The following ERC2 variants were observed in gnomAD, a reference collection of about 807,000 sequenced individuals.
ERC2 encodes the protein ELKS/RAB6-interacting/CAST family member 2.
ERC2 carries 42 observed loss-of-function variants against 114.8 expected under a neutral mutation model. That is an observed-to-expected ratio of 0.37 (90% CI 0.29 to 0.47). The LOEUF is 0.47. Ranked by LOEUF, ERC2 falls within the 20% of genes least tolerant of loss-of-function variation. ERC2 has a pLI of 0.99. For missense variants in ERC2, 939 were observed against 1,150.7 expected, an observed-to-expected ratio of 0.82 and a Z score of 2.66; for synonymous variants, 454 against 425.5, an observed-to-expected ratio of 1.07 and a Z score of -0.82.
rs535425789 is a variant in ERC2, at chr3:55,887,050, T to C, written c.2564+1339A>G. Among the ~76,000 whole-genome samples, 7 of 152,316 alleles carry C rather than the reference T, an allele frequency of 4.6e-5. No homozygotes were observed. In the South Asian group the frequency reaches 1.2e-3, roughly 27 times the overall value. On this transcript the variant is annotated intron_variant, in intron 14 of 17. Transcript: ENST00000288221. ...CAGTGACTCAAACAGACAAAAGTTC[T>C]AGTCTTAATGAGTTCACATAAACTC... is the stretch of plus-strand genomic sequence containing the variant.
chr3:56,445,528 T>G (rs1235332721), intron 1 of ERC2, among the ~76,000 whole-genome samples: 1 of 152,220 alleles, frequency 6.6e-6, no homozygotes, highest in Non-Finnish European at 1.5e-5. Context: ...CTAAACTGTT[T>G]TAAGATACAA....
intron 3 of ERC2, among the ~76,000 whole-genome samples, chr3:56,211,376 C>T (rs1452137769): frequency 6.6e-6 from 1 of 152,094 alleles, no homozygotes; most frequent in Non-Finnish European, 1.5e-5. Context: ...AAATAAAATA[C>T]TTAGGAATAT....
chr3:55,587,087 C>T (rs1329900552), intron 17 of ERC2, among the ~76,000 whole-genome samples: 2 of 152,212 alleles, frequency 1.3e-5, no homozygotes, highest in African/African-American at 4.8e-5. Context: ...AAATTTTAAA[C>T]AAATGTTATC....
chr3:55,875,751 CAT>C (rs775971776), intron 14 of ERC2, among the ~76,000 whole-genome samples: 7 of 151,882 alleles, frequency 4.6e-5, no homozygotes, highest in Non-Finnish European at 8.8e-5. Context: ...CCTCTTCCCA[CAT>C]GTTTGGTCTA....
chr3:55,819,674 C>T (rs2060041178), intron 14 of ERC2, among the ~76,000 whole-genome samples: 1 of 152,166 alleles, frequency 6.6e-6, no homozygotes, highest in African/African-American at 2.4e-5. Flanking sequence ...TTTTTGTTCT[C>T]CCACTTGTGG....
intron 3 of ERC2, among the ~76,000 whole-genome samples, chr3:56,240,042 C>G (rs1443707557): frequency 1.3e-5 from 2 of 152,184 alleles, no homozygotes; most frequent in African/African-American, 4.8e-5. Flanking sequence ...TAGGCCAGTC[C>G]TGCATAAAGA....
chr3:56,408,029 T>C (rs2060794953), intron 2 of ERC2, among the ~76,000 whole-genome samples: 1 of 152,228 alleles, frequency 6.6e-6, no homozygotes, highest in Non-Finnish European at 1.5e-5. Context: ...TTATAGCACC[T>C]TGAACATCCT....
intron 17 of ERC2, among the ~76,000 whole-genome samples, chr3:55,524,485 T>C (rs2053175910): frequency 6.8e-6 from 1 of 147,200 alleles, no homozygotes; most frequent in South Asian, 2.2e-4. Flanking sequence ...CACCCTGTTT[T>C]ACAAAGCTCC....
At chr3:55,933,166 G>A (rs1250809596) in intron 13 of ERC2, among the ~76,000 whole-genome samples, 4 of 149,874 alleles carry the variant, frequency 2.7e-5, no homozygotes, top group African/African-American at 7.4e-5. Flanking sequence ...TAGAGATCGC[G>A]CCACTGCACT....
chr3:55,549,950 G>C (rs1795635), intron 17 of ERC2, among the ~76,000 whole-genome samples: 39,686 of 141,944 alleles, frequency 0.28, 6,294 homozygotes, highest in Middle Eastern at 0.39. Flanking sequence ...GAGAGAGAGA[G>C]AGAGAGAGAC....
intron 3 of ERC2, among the ~76,000 whole-genome samples, chr3:56,209,032 C>A (rs1160887634): frequency 1.3e-5 from 2 of 152,104 alleles, no homozygotes; most frequent in Non-Finnish European, 2.9e-5. Context: ...TCTGATCACT[C>A]CCCTCCTCTG....
chr3:55,600,157 C>G (rs1009575991), intron 17 of ERC2, among the ~76,000 whole-genome samples: 25 of 152,038 alleles, frequency 1.6e-4, no homozygotes, highest in African/African-American at 5.8e-4. Context: ...CTGTAAGGGA[C>G]AACATGATAG....
chr3:56,213,759 A>AC (rs1214012851), intron 3 of ERC2, among the ~76,000 whole-genome samples: 1 of 151,814 alleles, frequency 6.6e-6, no homozygotes, highest in East Asian at 1.9e-4. Context: ...ACTGGGAGGC[A>AC]CCCCCCAGTA....
At chr3:55,583,955 G>A (rs766835764) in intron 17 of ERC2, among the ~76,000 whole-genome samples, 5 of 152,068 alleles carry the variant, frequency 3.3e-5, no homozygotes, top group Non-Finnish European at 7.4e-5. Flanking sequence ...TAGAATTTTG[G>A]CTTCTTCACT....
Position 55,734,589 on chromosome 3 carries a change from A to G in ERC2, c.2712+182T>C, listed in dbSNP as rs111902411. 2.1e-3 allele frequency among the ~76,000 whole-genome samples: 320 copies of G among 152,330 alleles called. 2 individuals are homozygous for G. The highest frequency in any genetic ancestry group is 7.5e-3 in the African/African-American group (312 of 41,586). On this transcript the variant is annotated intron_variant, in intron 15 of 17. Transcript: ENST00000288221. ...ACCACACAAGCCCAGCCACATGCAC[A>G]TAAACACAGAAAAGCAGTAAAATGG...
chr3:56,269,502 C>A (rs548121522), intron 3 of ERC2, among the ~76,000 whole-genome samples: 5 of 152,072 alleles, frequency 3.3e-5, no homozygotes, highest in Admixed American at 1.3e-4. Context: ...CAAACAAAAG[C>A]TGAAATGTGA....
intron 17 of ERC2, among the ~76,000 whole-genome samples, chr3:55,529,148 T>C (rs1321809691): frequency 6.6e-6 from 1 of 152,222 alleles, no homozygotes; most frequent in Non-Finnish European, 1.5e-5. Context: ...TATCAATGCA[T>C]ATCCACCCTT....
intron 6 of ERC2, among the ~76,000 whole-genome samples, chr3:56,134,910 C>CTT (rs200683385): frequency 8.8e-6 from 1 of 114,164 alleles, no homozygotes; most frequent in Admixed American, 8.7e-5. Flanking sequence ...AAATCTCTCT[C>CTT]TTTTTTTTTG....
intron 3 of ERC2, among the ~76,000 whole-genome samples, chr3:56,271,780 G>A (rs912839001): frequency 1.3e-5 from 2 of 152,014 alleles, no homozygotes; most frequent in African/African-American, 4.8e-5. Flanking sequence ...CCTCAAGTAG[G>A]TCCCAGTGTC....
Sources: allele counts gnomAD v4.1 joint callset (sites outside exome capture counted in the v4.1 genomes callset), GRCh38; gene constraint gnomAD v4.1.1; transcripts MANE v1.5; gene names NCBI Gene and HGNC (gene_info 2026-07-23, HGNC 2026-07-21).